The following ZBTB44 variants were observed in gnomAD, a reference collection of about 807,000 sequenced individuals.
ZBTB44 encodes zinc finger and BTB domain containing 44, also known as zinc finger and BTB domain-containing protein 44.
A neutral mutation model predicts 54.0 loss-of-function variants in ZBTB44; 15 were observed. That is an observed-to-expected ratio of 0.28 (90% confidence interval 0.19 to 0.43). The LOEUF is 0.43. Among genes scored for constraint, ZBTB44 ranks in the 20% least tolerant of loss-of-function variants. The pLI is 1.00. For synonymous variants in ZBTB44, 230 were observed against 250.1 expected (o/e 0.92, Z 0.76); for missense variants, 487 against 707.1 (o/e 0.69, Z 3.53).
intron 2 of ZBTB44, among the ~76,000 whole-genome samples, chr11:130,260,596 A>G (rs1246047472): frequency 6.6e-6 from 1 of 152,232 alleles, no homozygotes; most frequent in Non-Finnish European, 1.5e-5. Flanking sequence ...TAAAACACAA[A>G]CTGGATTTAA....
intron 2 of ZBTB44, among the ~76,000 whole-genome samples, chr11:130,254,314 A>G (rs1938260847): frequency 6.6e-6 from 1 of 152,162 alleles, no homozygotes. Flanking sequence ...TTTACAATCT[A>G]CTCAACTGAC....
chr11:130,270,268 C>T (rs1939571440), intron 1 of ZBTB44, among the ~76,000 whole-genome samples: 4 of 152,142 alleles, frequency 2.6e-5, no homozygotes, highest in South Asian at 4.1e-4. Context: ...ATCACTCACT[C>T]GCAGCTTATA....
chr11:130,269,465 T>C (rs1939511818), intron 1 of ZBTB44, among the ~76,000 whole-genome samples: 1 of 152,216 alleles, frequency 6.6e-6, no homozygotes, highest in Admixed American at 6.5e-5. Context: ...TTGTAGCAGT[T>C]TGCAATTTGA....
At chr11:130,256,273 G>A (rs750452727) in intron 2 of ZBTB44, among the ~76,000 whole-genome samples, 1 of 152,216 alleles carries the variant, frequency 6.6e-6, no homozygotes, top group Non-Finnish European at 1.5e-5. Context: ...TCCCTGGAAC[G>A]CAAGGCTGGT....
At chr11:130,265,384 C>G (rs879893379) in intron 1 of ZBTB44, among the ~76,000 whole-genome samples, 3 of 152,092 alleles carry the variant, frequency 2.0e-5, no homozygotes, top group Admixed American at 2.0e-4. Context: ...ACAACAAAGC[C>G]CAGCTAATTT....
intron 2 of ZBTB44, among the ~76,000 whole-genome samples, chr11:130,253,355 G>A (rs1247195122): frequency 6.6e-6 from 1 of 152,174 alleles, no homozygotes; most frequent in African/African-American, 2.4e-5. Flanking sequence ...AAGCTGATAA[G>A]CAACTTCAGC....
chr11:130,258,710 T>G (rs1174365482), intron 2 of ZBTB44, among the ~76,000 whole-genome samples: 1 of 152,240 alleles, frequency 6.6e-6, no homozygotes, highest in African/African-American at 2.4e-5. Flanking sequence ...TTTAGGGATT[T>G]CTGAGAACAT....
Position 130,239,881 on chromosome 11 carries a change from C to A in ZBTB44, c.1034G>T (p.Gly345Val), listed in dbSNP as rs200321016. The A allele has an allele frequency of 6.2e-7, 1 of 1,611,084 alleles. No homozygotes were observed. The highest frequency in any genetic ancestry group is 8.5e-7 in the Non-Finnish European group (1 of 1,178,402). The change falls in exon 3 of 8, where the codon GGC becomes GTC. Residue 345 changes from glycine (G) to valine (V), a missense_variant. Coordinates refer to ENST00000357899, the MANE Select transcript of ZBTB44 (RefSeq NM_001301098.2). ...AAGTGTAGGCAAGCCCTCAGAAACGCCTTCATCTACTGAGCCTGTGAATAA... is the reference window on the plus strand; with the variant it reads ...AAGTGTAGGCAAGCCCTCAGAAACGACTTCATCTACTGAGCCTGTGAATAA... ...QSSSIGSVDE[G>V]VSEGLPTLQS...
At chr11:130,244,795 A>G (rs1954573097) in intron 2 of ZBTB44, among the ~76,000 whole-genome samples, 1 of 152,162 alleles carries the variant, frequency 6.6e-6, no homozygotes, top group East Asian at 1.9e-4. Flanking sequence ...CTTCTGATGA[A>G]GATTTGGAAT....
intron 7 of ZBTB44, chr11:130,232,593 A>C (rs559778822): frequency 6.6e-6 from 1 of 152,298 alleles, no homozygotes; most frequent in East Asian, 1.9e-4. Flanking sequence ...TATACTCTTC[A>C]TTGTTGCCTA....
chr11:130,263,226 C>T (rs533405711), intron 1 of ZBTB44, among the ~76,000 whole-genome samples: 4 of 152,278 alleles, frequency 2.6e-5, no homozygotes, highest in African/African-American at 4.8e-5. Context: ...AACAGAAGTT[C>T]GAATGTAAAC....
At chr11:130,283,112 T>C (rs1940661869) in intron 1 of ZBTB44, among the ~76,000 whole-genome samples, 1 of 145,358 alleles carries the variant, frequency 6.9e-6, no homozygotes, top group East Asian at 2.1e-4. Context: ...TGGCGCAACC[T>C]TGGCTCACTG....
At chr11:130,238,066 ATTTCAAAC>A (rs752604114) in intron 4 of ZBTB44, among the ~76,000 whole-genome samples, 2 of 152,232 alleles carry the variant, frequency 1.3e-5, no homozygotes, top group Non-Finnish European at 2.9e-5. Flanking sequence ...TTTGGGAAAA[ATTTCAAAC>A]TTAAAGAGAC....
chr11:130,246,892 C>T (rs1954670706), intron 2 of ZBTB44, among the ~76,000 whole-genome samples: 1 of 152,144 alleles, frequency 6.6e-6, no homozygotes, highest in Non-Finnish European at 1.5e-5. Context: ...GACTAAAAAA[C>T]ACTTTTATTT....
chr11:130,297,467 G>A lies in ZBTB44; in HGVS notation c.-57+16908C>T, dbSNP rs1047755345. ...TTAACTTTATATATGTCTTGGTATG[G>A]GGTTGAATTGGGTTCTCTAAAAAGA... On this transcript the variant is annotated intron_variant, in intron 1 of 7. Transcript: ENST00000357899. Among the ~76,000 whole-genome samples, 6 of 152,196 alleles carry A rather than the reference G, an allele frequency of 3.9e-5. No homozygotes were observed. In the South Asian group the frequency reaches 6.2e-4, roughly 16 times the overall value.
intron 1 of ZBTB44, among the ~76,000 whole-genome samples, chr11:130,274,755 A>G (rs946601145): frequency 6.6e-6 from 1 of 152,180 alleles, no homozygotes; most frequent in African/African-American, 2.4e-5. Flanking sequence ...TGTGGGATTC[A>G]GTTTGCTAGT....
At chr11:130,304,304 G>A (rs1048011978) in intron 1 of ZBTB44, among the ~76,000 whole-genome samples, 7 of 152,132 alleles carry the variant, frequency 4.6e-5, no homozygotes, top group African/African-American at 1.4e-4. Flanking sequence ...ACCCCATAAC[G>A]CTTATATAGA....
rs1480960668 is a variant in ZBTB44 at position 130,228,453 on chromosome 11, G to C, written c.*3311C>G. 1 of 152,030 alleles carries C rather than the reference G, an allele frequency of 6.6e-6. No homozygotes were observed. The highest frequency in any genetic ancestry group is 2.4e-5 in the African/African-American group (1 of 41,406). 9.4% of individuals were successfully genotyped at this position (152,030 alleles called of 1,614,324 possible). ...CATCTGTCAACTTGAAAATTAAATT[G>C]GTAACTGAAATAAAAAATCGCCTAG... On this transcript the variant is annotated 3_prime_UTR_variant, in exon 8 of 8. Transcript: ENST00000357899.
chr11:130,305,637 C>A (rs1255094827), intron 1 of ZBTB44, among the ~76,000 whole-genome samples: 3 of 152,110 alleles, frequency 2.0e-5, no homozygotes, highest in Non-Finnish European at 4.4e-5. Context: ...AATCTTAAGG[C>A]CTGAAACCAT....
Sources: gnomAD v4.1 joint callset for allele counts (sites outside exome capture counted in the v4.1 genomes callset) on GRCh38, gnomAD v4.1.1 for gene constraint, MANE v1.5 for transcripts, NCBI Gene and HGNC (gene_info 2026-07-23, HGNC 2026-07-21) for gene names.